Variants in ABTB3 observed in about 807,000 individuals in gnomAD.
The protein encoded by ABTB3 is ankyrin repeat- and BTB/POZ domain-containing protein 3.
the ABTB3 span, among the ~76,000 whole-genome samples, chr12:107,472,320 T>C: frequency 6.6e-6 from 1 of 152,150 alleles, no homozygotes; most frequent in African/African-American, 2.4e-5. Context: ...TGGGAGCTTA[T>C]AAATCGGCAA....
chr12:107,401,597 G>A, the ABTB3 span, among the ~76,000 whole-genome samples: 1 of 152,206 alleles, frequency 6.6e-6, no homozygotes, highest in East Asian at 1.9e-4. Context: ...AAAGGCTGGT[G>A]CTTGATCTTG....
At chr12:107,454,523 G>A in the ABTB3 span, among the ~76,000 whole-genome samples, 2 of 152,208 alleles carry the variant, frequency 1.3e-5, no homozygotes, top group South Asian at 4.1e-4. Flanking sequence ...TGTTCCAGGA[G>A]CTCAGCAGGG....
At chr12:107,592,000 G>A in the ABTB3 span, among the ~76,000 whole-genome samples, 3 of 152,220 alleles carry the variant, frequency 2.0e-5, no homozygotes, top group African/African-American at 7.2e-5. Flanking sequence ...TAAATGGGAA[G>A]TGTGAAAGTC....
the ABTB3 span, among the ~76,000 whole-genome samples, chr12:107,347,520 GT>G: frequency 6.6e-6 from 1 of 152,078 alleles, no homozygotes; most frequent in Non-Finnish European, 1.5e-5. Flanking sequence ...GCCTTGATGC[GT>G]TTCGACCCCC....
At chr12:107,637,010 C>T in the ABTB3 span, among the ~76,000 whole-genome samples, 122 of 152,340 alleles carry the variant, frequency 8.0e-4, 1 homozygote, top group African/African-American at 2.7e-3. Flanking sequence ...TGGTGGCTCA[C>T]GCCTGTAATC....
chr12:107,530,194 G>C, the ABTB3 span, among the ~76,000 whole-genome samples: 1 of 152,188 alleles, frequency 6.6e-6, no homozygotes, highest in African/African-American at 2.4e-5. Flanking sequence ...CCAAGGCAAA[G>C]GGTACCTGAC....
chr12:107,402,975 A>G, the ABTB3 span, among the ~76,000 whole-genome samples: 1 of 152,152 alleles, frequency 6.6e-6, no homozygotes, highest in Non-Finnish European at 1.5e-5. Context: ...ACAGGAGTAC[A>G]GTAGTCACCA....
the ABTB3 span, among the ~76,000 whole-genome samples, chr12:107,482,239 C>A: frequency 6.6e-6 from 1 of 152,158 alleles, no homozygotes; most frequent in Admixed American, 6.5e-5. Flanking sequence ...CCTGTTCCTC[C>A]AGCTCTGACA....
the ABTB3 span, among the ~76,000 whole-genome samples, chr12:107,444,262 G>A: frequency 6.6e-6 from 1 of 152,212 alleles, no homozygotes; most frequent in Non-Finnish European, 1.5e-5. Context: ...TAGCCGAGGG[G>A]CTTAGCTTTC....
At chr12:107,636,401 G>A in the ABTB3 span, among the ~76,000 whole-genome samples, 1 of 152,156 alleles carries the variant, frequency 6.6e-6, no homozygotes, top group Non-Finnish European at 1.5e-5. Context: ...AGATAGGTTG[G>A]GGACTTTTCC....
the ABTB3 span, among the ~76,000 whole-genome samples, chr12:107,578,830 C>T: frequency 1.3e-5 from 2 of 152,198 alleles, no homozygotes; most frequent in African/African-American, 4.8e-5. Context: ...CTCTGCCCCA[C>T]AGATAGGTCC....
chr12:107,650,428 A>G, the ABTB3 span: 204 of 152,308 alleles, frequency 1.3e-3, 1 homozygote, highest in African/African-American at 4.6e-3. Flanking sequence ...AAACACACAC[A>G]TGGACACACA....
chr12:107,593,193 G>A, the ABTB3 span, among the ~76,000 whole-genome samples: 3 of 152,178 alleles, frequency 2.0e-5, no homozygotes, highest in Non-Finnish European at 2.9e-5. Flanking sequence ...TATAAGTAAA[G>A]TTGTGTGGGA....
At chr12:107,405,792 T>C in the ABTB3 span, among the ~76,000 whole-genome samples, 5 of 152,162 alleles carry the variant, frequency 3.3e-5, no homozygotes, top group African/African-American at 4.8e-5. Context: ...TTTCCTGTCC[T>C]CCTAGGGCCC....
chr12:107,567,169 C>A, the ABTB3 span, among the ~76,000 whole-genome samples: 2 of 152,228 alleles, frequency 1.3e-5, no homozygotes, highest in Non-Finnish European at 1.5e-5. Context: ...AAATCATTGA[C>A]CTGTGCTCAG....
At chr12:107,331,084 C>T in the ABTB3 span, among the ~76,000 whole-genome samples, 17 of 152,312 alleles carry the variant, frequency 1.1e-4, no homozygotes, top group African/African-American at 3.4e-4. Context: ...TTCCTAATCC[C>T]AGCTCAGGTT....
chr12:107,512,789 T>C, the ABTB3 span, among the ~76,000 whole-genome samples: 1 of 152,212 alleles, frequency 6.6e-6, no homozygotes, highest in African/African-American at 2.4e-5. Flanking sequence ...GAGATAATAA[T>C]GGCAAATATT....
the ABTB3 span, among the ~76,000 whole-genome samples, chr12:107,348,660 G>A: frequency 1.3e-5 from 2 of 152,334 alleles, no homozygotes; most frequent in South Asian, 4.1e-4. Flanking sequence ...GGGAGGTTGA[G>A]GCTGCAGTGA....
chr12:107,469,865 CTTT>C, the ABTB3 span, among the ~76,000 whole-genome samples: 86 of 88,352 alleles, frequency 9.7e-4, no homozygotes, highest in African/African-American at 3.3e-3. Context: ...TTCTTTCTTT[CTTT>C]TCTTTCTTTC....
Sources: allele counts gnomAD v4.1 joint callset (sites outside exome capture counted in the v4.1 genomes callset), GRCh38; gene constraint gnomAD v4.1.1; transcripts MANE v1.5; gene names NCBI Gene and HGNC (gene_info 2026-07-23, HGNC 2026-07-21).